Variants in ERI2 observed in about 807,000 individuals in gnomAD.
ERI2 encodes the protein ERI1 exoribonuclease 2.
A neutral mutation model predicts 46.8 loss-of-function variants in ERI2; 35 were observed. The ratio of observed to expected loss-of-function variants is 0.75; its 90% CI spans 0.57 to 0.99. The LOEUF is 0.99. ERI2 is among the 50% of genes least tolerant of loss of function. The pLI, the probability that ERI2 is intolerant of heterozygous loss-of-function variation, is 0.00. For missense variants in ERI2, 695 were observed against 796.2 expected, an observed-to-expected ratio of 0.87 and a Z score of 1.53; for synonymous variants, 224 against 271.0, an observed-to-expected ratio of 0.83 and a Z score of 1.70.
intron 10 of ERI2, chr16:20,783,354 T>C (rs2080395222): frequency 6.6e-6 from 1 of 152,200 alleles, no homozygotes; most frequent in Non-Finnish European, 1.5e-5. Context: ...TTATCCAAAA[T>C]GCTTGAGACC....
At chr16:20,789,651 C>T in intron 9 of ERI2, 1 of 778,208 alleles carries the variant, frequency 1.3e-6, no homozygotes. Context: ...AGCAGGTTGG[C>T]AAAACTGTAT....
In ERI2 at chr16:20,798,584, C is replaced by T. The variant is rs1187106997; in HGVS notation, c.1216G>A (p.Ala406Thr). 2.6e-6 allele frequency: 4 copies of T among 1,551,470 alleles called. No homozygotes were observed. The highest frequency in any genetic ancestry group is 3.5e-6 in the Non-Finnish European group (4 of 1,146,910). The change falls in exon 9 of 9, where the codon GCT (alanine) becomes ACT (threonine). Residue 406 changes from alanine to threonine, a missense_variant. Physicochemically the swap from Ala to Thr is moderately conservative, Grantham distance 58. Transcript: ENST00000357967. ...SSTLDCLPVL[A>T]DWEDVVLLPA... Reference sequence around the variant, plus strand: ...AGTAAAACCACATCCTCCCAATCAGCCAACACAGGTAAACAGTCCAGAGTA... The same window carrying T: ...AGTAAAACCACATCCTCCCAATCAGTCAACACAGGTAAACAGTCCAGAGTA...
chr16:20,796,267 C>T, downstream of ERI2: 1 of 1,503,782 alleles, frequency 6.6e-7, no homozygotes, highest in Non-Finnish European at 8.9e-7. Flanking sequence ...AACACACTGG[C>T]CCACCCCACC....
chr16:20,789,841 T>C (rs1386462383), intron 9 of ERI2, among the ~76,000 whole-genome samples: 2 of 151,896 alleles, frequency 1.3e-5, no homozygotes, highest in East Asian at 3.9e-4. Flanking sequence ...GCCTGGCTAA[T>C]TTTTCTATTT....
rs13306605 is a variant in ERI2, at chr16:20,786,169, C to G, written c.894+3310G>C. The G allele has an allele frequency of 3.2e-5, 52 of 1,608,748 alleles. No individual in the cohort carries two copies. In the South Asian group the frequency reaches 5.3e-4, roughly 16 times the overall value. On this transcript the variant is annotated intron_variant, in intron 10 of 10. Coordinates refer to the ERI2 transcript ENST00000300005. Reference sequence around the variant, plus strand: ...GCTTTCGATGTTAAGGTTTGCACATCCCCTTCCAGGAGAATGTTTAACAAC... The same window carrying G: ...GCTTTCGATGTTAAGGTTTGCACATGCCCTTCCAGGAGAATGTTTAACAAC...
At chr16:20,802,642 G>A (rs2080808810) in intron 4 of ERI2, among the ~76,000 whole-genome samples, 154 bp downstream of exon 4, 1 of 151,188 alleles carries the variant, frequency 6.6e-6, no homozygotes, top group South Asian at 2.1e-4. Context: ...CAAACTCCTG[G>A]CCTCAAGCAA....
intron 10 of ERI2, chr16:20,789,460 A>C: frequency 6.3e-7 from 1 of 1,576,930 alleles, no homozygotes; most frequent in Non-Finnish European, 8.7e-7. Flanking sequence ...GTAAGAGAGC[A>C]AGGCTGTGGC....
At chr16:20,784,832 T>C (rs1342203570) in intron 10 of ERI2, 2 of 658,406 alleles carry the variant, frequency 3.0e-6, no homozygotes, top group East Asian at 3.2e-5. Context: ...TAGTTGTATA[T>C]GTTTATGGGG....
chr16:20,789,431 G>T (rs1171565848), intron 10 of ERI2: 5 of 1,334,494 alleles, frequency 3.7e-6, no homozygotes, highest in Non-Finnish European at 5.4e-6. Flanking sequence ...TTCAGGGAAT[G>T]ATGAGGATTG....
chr16:20,804,522 G>A (rs969988036), intron 1 of ERI2, among the ~76,000 whole-genome samples: 4 of 152,048 alleles, frequency 2.6e-5, no homozygotes, highest in South Asian at 4.2e-4. Context: ...AAACCTAGCT[G>A]GGGCGTGATG....
chr16:20,789,700 T>C, intron 9 of ERI2: 1 of 611,618 alleles, frequency 1.6e-6, no homozygotes, highest in East Asian at 2.8e-5. Context: ...TTTTTTTTTT[T>C]TTTGAGATGG....
intron 10 of ERI2, among the ~76,000 whole-genome samples, chr16:20,788,116 A>T (rs1229008736): frequency 6.6e-6 from 1 of 151,762 alleles, no homozygotes; most frequent in Non-Finnish European, 1.5e-5. Context: ...TTATTTTTTT[A>T]TTTTTTCACA....
intron 10 of ERI2, among the ~76,000 whole-genome samples, chr16:20,781,472 A>G (rs575840431): frequency 1.1e-4 from 16 of 152,368 alleles, no homozygotes; most frequent in Non-Finnish European, 1.8e-4. Context: ...GAGATGATTT[A>G]AAGTATACGG....
At chr16:20,803,740 A>G in intron 1 of ERI2, 70 bp from the exon 2 acceptor site, 1 of 1,524,188 alleles carries the variant, frequency 6.6e-7, no homozygotes, top group Admixed American at 1.8e-5. Context: ...AGGCTACCAA[A>G]CTAATGGTAC....
In ERI2 at chr16:20,797,393, G is replaced by T. The variant is rs1395173095; in HGVS notation, c.*331C>A. On this transcript the variant is annotated 3_prime_UTR_variant, in exon 9 of 9. Transcript: ENST00000357967. ...GTTTTTAGAAAAATATAAAATATCA[G>T]TTAGAAGATTATGATAATCTCAAAG... The T allele has an allele frequency of 2.0e-6, 2 of 987,606 alleles. No individual in the cohort carries two copies. The highest frequency in any genetic ancestry group is 9.4e-5 in the East Asian group (1 of 10,688). The allele number at this position is 987,606 out of a possible 1,614,324, so 61.2% of individuals were successfully genotyped here.
At chr16:20,792,142 T>G, downstream of ERI2, 1 of 1,614,096 alleles carries the variant, frequency 6.2e-7, no homozygotes, top group Non-Finnish European at 8.5e-7. Flanking sequence ...AACTTTCTTT[T>G]CCATATGTGC....
At chr16:20,788,064 GTTA>G (rs931250541) in intron 10 of ERI2, among the ~76,000 whole-genome samples, 5 of 152,068 alleles carry the variant, frequency 3.3e-5, no homozygotes, top group African/African-American at 9.7e-5. Context: ...GATGGGTACT[GTTA>G]TTTACTTCTC....
chr16:20,800,463 G>C, intron 5 of ERI2, 61 bp from the exon 6 acceptor site: 1 of 954,310 alleles, frequency 1.0e-6, no homozygotes, highest in East Asian at 2.4e-5. Flanking sequence ...TACTTATGCT[G>C]CCACCATTTA....
chr16:20,782,159 T>C (rs1254864425), intron 10 of ERI2, among the ~76,000 whole-genome samples: 2 of 152,220 alleles, frequency 1.3e-5, no homozygotes, highest in African/African-American at 4.8e-5. Context: ...TTTATTCTAT[T>C]GCTGATTCCA....
Sources: gnomAD v4.1 joint callset for allele counts (sites outside exome capture counted in the v4.1 genomes callset) on GRCh38, gnomAD v4.1.1 for gene constraint, MANE v1.5 for transcripts, NCBI Gene and HGNC (gene_info 2026-07-23, HGNC 2026-07-21) for gene names.